The following SLC47A1 variants were observed in gnomAD, a reference collection of about 807,000 sequenced individuals.
The protein encoded by SLC47A1 is solute carrier family 47 member 1.
Under a neutral mutation model 65.8 loss-of-function variants are expected in SLC47A1, and 58 were observed. That is an observed-to-expected ratio of 0.88 (90% confidence interval 0.71 to 1.10). The LOEUF (loss-of-function observed/expected upper bound fraction) is 1.10. Ranked by LOEUF, SLC47A1 falls within the 50% of genes least tolerant of loss-of-function variation. The pLI is 0.00. For synonymous variants in SLC47A1, 285 were observed against 295.0 expected (o/e 0.97, Z 0.35); for missense variants, 706 against 719.2 (o/e 0.98, Z 0.21).
At chr17:19,577,267 C>T in intron 16 of SLC47A1, 60 bp from the exon 17 acceptor site, 4 of 1,587,098 alleles carry the variant, frequency 2.5e-6, no homozygotes, top group Non-Finnish European at 3.4e-6. Context: ...TATACATAGC[C>T]CTTTATAAAA....
Position 19,571,492 on chromosome 17 carries a change from A to T in SLC47A1, c.1324A>T (p.Ile442Phe), listed in dbSNP as rs1222644782. ...TCTATTTCTAGGTCTGTGGTCAGGG[A>T]TCATCATCTGTACAGTCTTTCAAGC... ...TLGVMGLWSG[I>F]IICTVFQAVC... Residue 442 changes from isoleucine to phenylalanine, a missense_variant, in exon 15 of 17, where the codon ATC becomes TTC. Coordinates refer to ENST00000270570, the MANE Select transcript of SLC47A1 (RefSeq NM_018242.3). 2.5e-6 allele frequency: 4 copies of T among 1,613,336 alleles called. No individual in the cohort carries two copies. Among genetic ancestry groups the T allele is most frequent in the Non-Finnish European group, 3.4e-6 (4 of 1,179,788 alleles).
rs532681568 is a variant in SLC47A1, at chr17:19,539,766, C to T, written c.136-2627C>T. The stretch of plus-strand genomic sequence containing the variant: ...CTCCCAAAGTGTTGAGATTACAAGG[C>T]GTGAGCCACTGAGCCTGGCCTAACC... On this transcript the variant is annotated intron_variant, in intron 1 of 16. Coordinates refer to ENST00000270570, the MANE Select transcript of SLC47A1 (RefSeq NM_018242.3). Among the ~76,000 whole-genome samples the T allele has an allele frequency of 3.2e-4, 49 of 152,256 alleles. No homozygotes were observed. The South Asian group carries it at 8.7e-3, about 27-fold the overall frequency.
chr17:19,573,614 C>T (rs1409821528), intron 16 of SLC47A1, among the ~76,000 whole-genome samples: 1 of 152,026 alleles, frequency 6.6e-6, no homozygotes, highest in South Asian at 2.1e-4. Context: ...ACATCTTGGG[C>T]TCAAGCGATC....
intron 16 of SLC47A1, among the ~76,000 whole-genome samples, chr17:19,573,207 A>G (rs2084413980): frequency 6.6e-6 from 1 of 152,158 alleles, no homozygotes; most frequent in Non-Finnish European, 1.5e-5. Flanking sequence ...TCAGGCAGAC[A>G]CTTGTGGGCT....
chr17:19,560,514 G>A, intron 12 of SLC47A1, 21 bp downstream of exon 12: 1 of 1,611,116 alleles, frequency 6.2e-7, no homozygotes, highest in Non-Finnish European at 8.5e-7. Context: ...GGATTTTCTT[G>A]AAATGTGAAA....
At position 19,572,873 on chromosome 17, in the gene SLC47A1, C is replaced by G; in HGVS notation, c.1486+12C>G. 1 of 1,613,380 alleles carries G rather than the reference C, an allele frequency of 6.2e-7. No homozygotes were observed. Among genetic ancestry groups the G allele is most frequent in the Non-Finnish European group, 8.5e-7 (1 of 1,179,300 alleles). On this transcript the variant is annotated intron_variant, in intron 16 of 16. Transcript: ENST00000270570. Reference sequence around the variant, plus strand: ...TCCGCTTCACCCAGGTAAGATATGACTCCCTCAGCCCTTGGACAGGCCTGT... The same window carrying G: ...TCCGCTTCACCCAGGTAAGATATGAGTCCCTCAGCCCTTGGACAGGCCTGT...
rs766863228 is a variant in SLC47A1, at chr17:19,560,468, G to C, written c.1081G>C (p.Val361Leu). 6.2e-7 allele frequency: 1 copy of C among 1,614,178 alleles called. No homozygotes were observed. The highest frequency in any genetic ancestry group is 1.7e-5 in the Admixed American group (1 of 60,024). ...CCTGCTGTTAAGCTGTAAGGATCAC[G>C]TGGGGTACATTTTTACTACCGACCG... Reference protein sequence around the residue: ...SVLLLSCKDHVGYIFTTDRDI... With the variant: ...SVLLLSCKDHLGYIFTTDRDI... The change falls in exon 12 of 17, where the codon GTG becomes CTG. Residue 361 changes from valine (V) to leucine (L), a missense_variant. Transcript: ENST00000270570.
At chr17:19,554,909 C>A (rs1261668744) in intron 6 of SLC47A1, among the ~76,000 whole-genome samples, 1 of 152,150 alleles carries the variant, frequency 6.6e-6, no homozygotes, top group African/African-American at 2.4e-5. Context: ...TTAGCCCCTG[C>A]CAGTCCTTGC....
In SLC47A1 at chr17:19,567,196, C is replaced by T. The variant is rs374712709; in HGVS notation, c.1277C>T (p.Ala426Val). The T allele has an allele frequency of 9.3e-6, 15 of 1,614,060 alleles. No individual in the cohort carries two copies. The highest frequency in any genetic ancestry group is 1.3e-5 in the Non-Finnish European group (15 of 1,180,054). Residue 426 changes from alanine to valine, a missense_variant, in exon 14 of 17, where the codon GCG (alanine) becomes GTG (valine). Physicochemically the swap from Ala to Val is moderately conservative, Grantham distance 64. Coordinates refer to ENST00000270570, the MANE Select transcript of SLC47A1 (RefSeq NM_018242.3). The part of the protein sequence containing the change: ...YYVVGLPIGI[A>V]LMFATTLGVM... ...GTGGTTGGCCTCCCCATCGGGATCG[C>T]GCTGATGTTTGCAACCACACTTGGA... is the stretch of plus-strand genomic sequence containing the variant.
Position 19,541,744 on chromosome 17 carries a change from G to A in SLC47A1, c.136-649G>A, listed in dbSNP as rs577313980. 3.1e-4 allele frequency among the ~76,000 whole-genome samples: 47 copies of A among 152,298 alleles called. No individual in the cohort carries two copies. In the South Asian group the frequency reaches 4.8e-3, roughly 15 times the overall value. On this transcript the variant is annotated intron_variant, in intron 1 of 16. Coordinates refer to ENST00000270570, the MANE Select transcript of SLC47A1 (RefSeq NM_018242.3). Reference sequence around the variant, plus strand: ...TCTCCAGTCCTCACTAGGAATCTTGGATAACAAGGGGGTTATCCCAGAAGG... The same window carrying A: ...TCTCCAGTCCTCACTAGGAATCTTGAATAACAAGGGGGTTATCCCAGAAGG...
At chr17:19,545,678 C>G (rs929813314) in intron 2 of SLC47A1, among the ~76,000 whole-genome samples, 1 of 151,782 alleles carries the variant, frequency 6.6e-6, no homozygotes, top group Non-Finnish European at 1.5e-5. Flanking sequence ...TTTGTAGGGA[C>G]GAGTTTTCAT....
chr17:19,553,491 G>A (rs571122366), intron 6 of SLC47A1, among the ~76,000 whole-genome samples: 1 of 151,094 alleles, frequency 6.6e-6, no homozygotes, highest in South Asian at 2.1e-4. Context: ...TGGTCCTATA[G>A]CTTCTGCCTC....
chr17:19,564,724 CTT>C (rs1223603592), intron 12 of SLC47A1: 2 of 152,058 alleles, frequency 1.3e-5, no homozygotes, highest in East Asian at 3.9e-4. Flanking sequence ...GATTTCTTTT[CTT>C]TTCTTTTTTT....
intron 12 of SLC47A1, among the ~76,000 whole-genome samples, chr17:19,562,496 C>T (rs57817183): frequency 0.016 from 2,387 of 151,420 alleles, 73 homozygotes; most frequent in African/African-American, 0.05. Flanking sequence ...ACCTGGGAGA[C>T]GGAGGGTGCA....
intron 14 of SLC47A1, 79 bp from the exon 15 acceptor site, chr17:19,571,399 G>T: frequency 8.1e-7 from 1 of 1,239,396 alleles, no homozygotes; most frequent in Non-Finnish European, 1.2e-6. Context: ...GCTGACAGAA[G>T]TGATATAGGC....
At chr17:19,543,987 G>A (rs927864628) in intron 2 of SLC47A1, among the ~76,000 whole-genome samples, 6 of 152,068 alleles carry the variant, frequency 3.9e-5, no homozygotes, top group African/African-American at 1.2e-4. Context: ...ATGGAGTCTC[G>A]CTCTGTCGCC....
chr17:19,563,497 A>G (rs2084331880), intron 12 of SLC47A1, among the ~76,000 whole-genome samples: 1 of 152,080 alleles, frequency 6.6e-6, no homozygotes, highest in African/African-American at 2.4e-5. Flanking sequence ...ATTTTATAAA[A>G]TCTTCAAAAC....
chr17:19,561,927 G>A (rs2152315658), intron 12 of SLC47A1, among the ~76,000 whole-genome samples: 1 of 152,330 alleles, frequency 6.6e-6, no homozygotes, highest in Admixed American at 6.5e-5. Context: ...TTGTCAAACT[G>A]AATTGAAGTT....
intron 1 of SLC47A1, 112 bp downstream of exon 1, chr17:19,534,186 G>T (rs1020198596): frequency 1.0e-4 from 134 of 1,322,248 alleles, no homozygotes; most frequent in Non-Finnish European, 1.2e-4. Flanking sequence ...GCTGTCCGCC[G>T]GCGGGCTCCG....
Sources: allele counts gnomAD v4.1 joint callset (sites outside exome capture counted in the v4.1 genomes callset), GRCh38; gene constraint gnomAD v4.1.1; transcripts MANE v1.5; gene names NCBI Gene and HGNC (gene_info 2026-07-23, HGNC 2026-07-21).